The following ZNF800 variants were observed in gnomAD, a reference collection of about 807,000 sequenced individuals.
ZNF800 encodes the protein zinc finger protein 800.
In ZNF800, 13 loss-of-function variants were observed where a neutral mutation model predicts 59.5. The ratio of observed to expected loss-of-function variants is 0.22; its 90% CI spans 0.14 to 0.35. ZNF800 has a LOEUF of 0.35. ZNF800 is among the 10% of genes least tolerant of loss of function. The pLI is 1.00. For missense variants in ZNF800, 621 were observed against 783.7 expected (o/e 0.79, Z 2.48); for synonymous variants, 266 against 265.7 (o/e 1.00, Z -0.01).
chr7:127,388,454 T>C lies in ZNF800; in HGVS notation c.62-2299A>G, dbSNP rs150353251. 2.9e-3 allele frequency among the ~76,000 whole-genome samples: 446 copies of C among 152,300 alleles called. 2 individuals carry two copies. The highest frequency in any genetic ancestry group is 0.01 in the Middle Eastern group (3 of 294). On this transcript the variant is annotated intron_variant, in intron 2 of 5. Coordinates refer to ENST00000265827, the MANE Select transcript of ZNF800 (RefSeq NM_176814.5). ...CATAAAAGAGGGTGAAAACCCACAC[T>C]ACTGTAAAAAACTAAATGCTTCAAA...
rs139681633 is a variant in ZNF800, at chr7:127,374,384, T to C, written c.952A>G (p.Ile318Val). ...EVHRGLRRDSITPDIATKPGQ... is the reference protein window; with the variant it reads ...EVHRGLRRDSVTPDIATKPGQ... Reference sequence around the variant, plus strand: ...GGCTTTGTTGCTATATCAGGAGTAATTGAATCCCTCCTTAGTCCTCTATGA... The same window carrying C: ...GGCTTTGTTGCTATATCAGGAGTAACTGAATCCCTCCTTAGTCCTCTATGA... Residue 318 changes from isoleucine to valine, a missense_variant, in exon 5 of 6, where the codon ATT becomes GTT. Coordinates refer to ENST00000265827, the MANE Select transcript of ZNF800 (RefSeq NM_176814.5). 5,455 of 1,613,906 alleles carry C rather than the reference T, an allele frequency of 3.4e-3. 14 individuals are homozygous for C. Among genetic ancestry groups the C allele is most frequent in the Non-Finnish European group, 4.1e-3 (4,823 of 1,179,964 alleles).
chr7:127,391,784 T>G (rs948092747), intron 1 of ZNF800, among the ~76,000 whole-genome samples, 169 bp from the exon 2 acceptor site: 1 of 151,828 alleles, frequency 6.6e-6, no homozygotes, highest in Non-Finnish European at 1.5e-5. Flanking sequence ...CAGCCCAAAC[T>G]CCCCACACAG....
chr7:127,358,314 T>A (rs1800314448), intron 1 of ZNF800, among the ~76,000 whole-genome samples: 2 of 151,974 alleles, frequency 1.3e-5, no homozygotes, highest in South Asian at 2.1e-4. Context: ...AAATTTCATT[T>A]CTGAAATAAT....
rs778626181 is a variant in ZNF800 at position 127,373,556 on chromosome 7, T to C, written c.1780A>G (p.Asn594Asp). 7 of 1,614,194 alleles carry C rather than the reference T, an allele frequency of 4.3e-6. No homozygotes were observed. The highest frequency in any genetic ancestry group is 5.1e-6 in the Non-Finnish European group (6 of 1,180,034). ...HSDSKHDGTS[N>D]SPSKKYEVAD... ...ACTTCATACTTTTTACTAGGAGAGT[T>C]AGAAGTGCCATCATGTTTTGAATCA... Residue 594 changes from asparagine (N) to aspartate (D), a missense_variant, in exon 5 of 6, where the codon AAC (asparagine) becomes GAC (aspartate). By Grantham distance (23) the Asn-to-Asp change is conservative (BLOSUM62 1). Around this residue, in one of 7 missense-constraint regions of ZNF800, gnomAD observed 94 missense variants for 108.5 expected, o/e 0.87. Transcript: ENST00000265827.
At chr7:127,361,242 G>A (rs1223866253) in intron 1 of ZNF800, 1 of 152,102 alleles carries the variant, frequency 6.6e-6, no homozygotes, top group Non-Finnish European at 1.5e-5. Flanking sequence ...GACATTCCAA[G>A]CTGAGGCCTT....
chr7:127,352,647 A>C (rs1267066870), intron 1 of ZNF800, among the ~76,000 whole-genome samples: 1 of 152,218 alleles, frequency 6.6e-6, no homozygotes, highest in African/African-American at 2.4e-5. Flanking sequence ...AACCATAAAC[A>C]TGAGAAATGA....
Position 127,392,574 on chromosome 7 carries a change from GT to G in ZNF800, c.-574del. ...TTGGGCCTTTTCGGTGGTAGTTGTT[GT>G]TTCAGGAAACTTTATTAAGTCAGCC... On this transcript the variant is annotated 5_prime_UTR_variant, in exon 1 of 6. Coordinates refer to ENST00000265827, the MANE Select transcript of ZNF800 (RefSeq NM_176814.5). 1 of 230,642 alleles carries G rather than the reference GT, an allele frequency of 4.3e-6. No homozygotes were observed. The highest frequency in any genetic ancestry group is 8.4e-6 in the Non-Finnish European group (1 of 119,260). The allele number at this position is 230,642 out of a possible 1,614,324, so 14.3% of individuals were successfully genotyped here.
chr7:127,359,774 G>A (rs1304673296), intron 1 of ZNF800: 4 of 152,002 alleles, frequency 2.6e-5, no homozygotes, highest in Non-Finnish European at 4.4e-5. Context: ...TGGAAAAAAC[G>A]AAGGACAAAG....
At chr7:127,380,209 A>C (rs762855985) in intron 3 of ZNF800, among the ~76,000 whole-genome samples, 9 of 152,118 alleles carry the variant, frequency 5.9e-5, no homozygotes, top group Non-Finnish European at 1.0e-4. Flanking sequence ...CTGTTTTGTA[A>C]TTAATTTCTT....
At chr7:127,378,844 A>G (rs1800867807) in intron 3 of ZNF800, among the ~76,000 whole-genome samples, 1 of 152,078 alleles carries the variant, frequency 6.6e-6, no homozygotes, top group Admixed American at 6.6e-5. Flanking sequence ...TCCAAATCTG[A>G]TATTATCTAC....
rs767031632 is a variant in ZNF800, at chr7:127,373,441, T to C, written c.1895A>G (p.Tyr632Cys). The C allele has an allele frequency of 1.7e-5, 28 of 1,614,034 alleles. No homozygotes were observed. Among genetic ancestry groups the C allele is most frequent in the South Asian group, 5.5e-5 (5 of 91,088 alleles). Reference sequence around the variant, plus strand: ...ATGAGTTTTCTTATGATGTTCAAGGTAAGTCTTTTTGGCAAATGCCTTTCC... The same window carrying C: ...ATGAGTTTTCTTATGATGTTCAAGGCAAGTCTTTTTGGCAAATGCCTTTCC... ...KCGKAFAKKT[Y>C]LEHHKKTHKA... The change falls in exon 5 of 6, where the codon TAC becomes TGC. Residue 632 changes from tyrosine to cysteine, a missense_variant. Tyr to Cys is a radical substitution (Grantham distance 194). Around this residue, in one of 7 missense-constraint regions of ZNF800, gnomAD observed 94 missense variants for 108.5 expected, o/e 0.87. Transcript: ENST00000265827.
chr7:127,384,738 A>G (rs2117185677), intron 3 of ZNF800, among the ~76,000 whole-genome samples: 1 of 152,294 alleles, frequency 6.6e-6, no homozygotes, highest in East Asian at 1.9e-4. Context: ...ACAAACAGAC[A>G]CTATTTTTTC....
chr7:127,366,836 C>G (rs1441327312), downstream of ZNF800, among the ~76,000 whole-genome samples: 1 of 152,056 alleles, frequency 6.6e-6, no homozygotes, highest in African/African-American at 2.4e-5. Flanking sequence ...TACAGACTGG[C>G]CAGCAACCTA....
downstream of ZNF800, among the ~76,000 whole-genome samples, chr7:127,344,680 TAAAC>T (rs1800026301): frequency 6.6e-6 from 1 of 152,162 alleles, no homozygotes; most frequent in African/African-American, 2.4e-5. Context: ...ATAAAAAAAT[TAAAC>T]AAACAACAAA....
intron 1 of ZNF800, chr7:127,362,585 G>A (rs888799455): frequency 2.0e-5 from 3 of 152,056 alleles, no homozygotes; most frequent in East Asian, 1.9e-4. Context: ...ACTATGTCCC[G>A]AGCATTGTGC....
intron 1 of ZNF800, among the ~76,000 whole-genome samples, chr7:127,351,170 A>G (rs1800160993): frequency 6.6e-6 from 1 of 152,094 alleles, no homozygotes; most frequent in Admixed American, 6.5e-5. Context: ...TTTGAGTCAA[A>G]CTATTTGATT....
At chr7:127,344,152 T>C (rs549327440), downstream of ZNF800, among the ~76,000 whole-genome samples, 2 of 152,094 alleles carry the variant, frequency 1.3e-5, no homozygotes, top group East Asian at 1.9e-4. Flanking sequence ...TTAAGAATGA[T>C]TGGCTACTTA....
chr7:127,380,945 T>C (rs550537318), intron 3 of ZNF800, among the ~76,000 whole-genome samples: 11 of 152,334 alleles, frequency 7.2e-5, no homozygotes, highest in Admixed American at 1.3e-4. Context: ...CAATAAAAAT[T>C]ACTTAAACTT....
At chr7:127,360,269 AT>A (rs1383195856) in intron 1 of ZNF800, 1 of 152,142 alleles carries the variant, frequency 6.6e-6, no homozygotes, top group Non-Finnish European at 1.5e-5. Flanking sequence ...TTTTTTCAAA[AT>A]TTTGTAGGCA....
Sources: allele counts gnomAD v4.1 joint callset (sites outside exome capture counted in the v4.1 genomes callset), GRCh38; gene constraint gnomAD v4.1.1; regional missense constraint gnomAD v4.1.1; transcripts MANE v1.5; gene names NCBI Gene and HGNC (gene_info 2026-07-23, HGNC 2026-07-21).